Variants in UVSSA observed in about 807,000 individuals in gnomAD.
UVSSA encodes the protein UV-stimulated scaffold protein A.
In UVSSA, 72 loss-of-function variants were observed where a neutral mutation model predicts 73.9. The ratio of observed to expected loss-of-function variants is 0.97; its 90% CI spans 0.81 to 1.19. The LOEUF (loss-of-function observed/expected upper bound fraction) is 1.19. Ranked by LOEUF, UVSSA falls within the 50% of genes most tolerant of loss-of-function variation. The pLI is 0.00. For synonymous variants in UVSSA, 454 were observed against 391.3 expected (o/e 1.16, Z -1.89); for missense variants, 1,150 against 965.0 (o/e 1.19, Z -2.54).
At chr4:1,379,744 G>T (rs116258493) in intron 10 of UVSSA, among the ~76,000 whole-genome samples, 7,595 of 148,788 alleles carry the variant, frequency 0.051, 690 homozygotes, top group African/African-American at 0.18. Context: ...GCCCGTGGTC[G>T]CGCGGCTGGT....
chr4:1,349,827 C>T lies in UVSSA; in HGVS notation c.402C>T (p.Gly134=). ...FGEAYKKLAL[G]YHFLRHNKKV... ...AGGCCTACAAGAAGCTTGCCTTGGG[C>T]TACCACTTCTTAAGACACAACAAAA... Residue 134 remains glycine, a synonymous_variant, in exon 3 of 14, where the codon GGC becomes GGT. Coordinates refer to ENST00000389851, the MANE Select transcript of UVSSA (RefSeq NM_020894.4). The T allele has an allele frequency of 6.4e-7, 1 of 1,573,806 alleles. No homozygotes were observed. Among genetic ancestry groups the T allele is most frequent in the Non-Finnish European group, 8.6e-7 (1 of 1,160,130 alleles).
downstream of UVSSA, chr4:1,389,577 C>G (rs1720354815): frequency 6.6e-6 from 1 of 152,226 alleles, no homozygotes; most frequent in Non-Finnish European, 1.5e-5. Flanking sequence ...TGGGGTCTCA[C>G]TATGTTGGCT....
intron 7 of UVSSA, among the ~76,000 whole-genome samples, chr4:1,363,613 GC>G (rs1215116418): frequency 6.6e-6 from 1 of 152,198 alleles, no homozygotes; most frequent in Non-Finnish European, 1.5e-5. Context: ...GAACCGTAAT[GC>G]CCTGAAACCT....
In UVSSA at chr4:1,366,432, G is replaced by T; in HGVS notation, c.1288+1G>T. 1 of 1,605,476 alleles carries T rather than the reference G, an allele frequency of 6.2e-7. No individual in the cohort carries two copies. Among genetic ancestry groups the T allele is most frequent in the Non-Finnish European group, 8.5e-7 (1 of 1,175,932 alleles). The stretch of plus-strand genomic sequence containing the variant: ...CCCGACCACTTGCGGCCTGAGTATG[G>T]TGAGCAGTGGGTCCCGTGGGGGGGG... On this transcript the variant is annotated splice_donor_variant, in intron 8 of 13. Transcript: ENST00000389851. LOFTEE classifies it high-confidence loss of function.
rs190532731 is a variant in UVSSA, at chr4:1,363,486, A to G, written c.1177-2834A>G. Reference sequence around the variant, plus strand: ...ATAATATTTTTTGAAAACGACGCCCATATTTAAAATCTGGCACTATATGTT... The same window carrying G: ...ATAATATTTTTTGAAAACGACGCCCGTATTTAAAATCTGGCACTATATGTT... On this transcript the variant is annotated intron_variant, in intron 7 of 13. Coordinates refer to ENST00000389851, the MANE Select transcript of UVSSA (RefSeq NM_020894.4). 2.0e-5 allele frequency among the ~76,000 whole-genome samples: 3 copies of G among 152,354 alleles called. No individual in the cohort carries two copies. In the East Asian group the frequency reaches 5.8e-4, roughly 29 times the overall value.
chr4:1,392,307 C>G (rs1368749501), downstream of UVSSA: 2 of 152,184 alleles, frequency 1.3e-5, no homozygotes, highest in African/African-American at 2.4e-5. Flanking sequence ...ATGCAGTTGT[C>G]TTTTAAATCA....
intron 12 of UVSSA, among the ~76,000 whole-genome samples, chr4:1,382,446 T>C (rs1719618032): frequency 6.6e-6 from 1 of 152,182 alleles, no homozygotes; most frequent in Non-Finnish European, 1.5e-5. Flanking sequence ...TCAGTGACAA[T>C]GTGCGTGCTG....
chr4:1,353,027 C>T lies in UVSSA; in HGVS notation c.551-3C>T. 6.2e-7 allele frequency: 1 copy of T among 1,604,452 alleles called. No individual in the cohort carries two copies. The highest frequency in any genetic ancestry group is 8.5e-7 in the Non-Finnish European group (1 of 1,175,058). On this transcript the variant is annotated splice_region_variant and splice_polypyrimidine_tract_variant and intron_variant, in intron 4 of 13. Transcript: ENST00000389851. ...GCAAACAGGTGTCTTGATCTTCCGG[C>T]AGAAATGTCTGGAGAAATTGAATCC... is the stretch of plus-strand genomic sequence containing the variant.
At chr4:1,383,071 C>A (rs1298792196) in intron 12 of UVSSA, among the ~76,000 whole-genome samples, 1 of 152,218 alleles carries the variant, frequency 6.6e-6, no homozygotes, top group South Asian at 2.1e-4. Context: ...GCCATCTGCA[C>A]GGTGGGTACT....
intron 4 of UVSSA, among the ~76,000 whole-genome samples, chr4:1,352,036 G>A (rs538929750): frequency 6.6e-6 from 1 of 152,366 alleles, no homozygotes; most frequent in East Asian, 1.9e-4. Context: ...GCGCCCTCTG[G>A]TGGTCACATT....
chr4:1,348,504 GCTGGACTT>G (rs1441864839), intron 2 of UVSSA, among the ~76,000 whole-genome samples: 27 of 152,364 alleles, frequency 1.8e-4, no homozygotes, highest in Admixed American at 1.8e-3. Flanking sequence ...TTTCTTTGCT[GCTGGACTT>G]TTCGAAGGGA....
At chr4:1,368,437 C>T (rs1463064952) in intron 8 of UVSSA, among the ~76,000 whole-genome samples, 1 of 152,252 alleles carries the variant, frequency 6.6e-6, no homozygotes, top group Non-Finnish European at 1.5e-5. Flanking sequence ...AGAGCGGTCT[C>T]CTTTCATCAG....
At chr4:1,381,725 T>TCACCCAGG (rs1442967281) in intron 12 of UVSSA, among the ~76,000 whole-genome samples, 1 of 151,096 alleles carries the variant, frequency 6.6e-6, no homozygotes, top group African/African-American at 2.4e-5. Context: ...TCTCTCTCTG[T>TCACCCAGG]CACCCAGGCT....
intron 7 of UVSSA, among the ~76,000 whole-genome samples, chr4:1,365,750 C>T (rs969078890): frequency 3.9e-5 from 6 of 152,228 alleles, no homozygotes; most frequent in African/African-American, 9.6e-5. Context: ...CTAGCCCTGG[C>T]CCGTTGCCTA....
intron 12 of UVSSA, among the ~76,000 whole-genome samples, chr4:1,383,317 C>T (rs951289935): frequency 2.6e-5 from 4 of 152,208 alleles, no homozygotes; most frequent in South Asian, 2.1e-4. Context: ...CACCAGCAGG[C>T]GTGTCCAGCA....
chr4:1,343,130 C>T (rs1411005890), upstream of UVSSA, among the ~76,000 whole-genome samples: 1 of 152,066 alleles, frequency 6.6e-6, no homozygotes. Flanking sequence ...CACGGACTAG[C>T]GGGTTTAAAC....
exon 14 of UVSSA, chr4:1,393,997 GA>G: frequency 4.6e-6 from 1 of 215,720 alleles, no homozygotes; most frequent in Non-Finnish European, 9.3e-6. Context: ...GATGCATGGT[GA>G]GTGTGCCTTC....
chr4:1,355,020 C>A, intron 6 of UVSSA, 97 bp from the exon 7 acceptor site: 1 of 1,553,952 alleles, frequency 6.4e-7, no homozygotes, highest in Non-Finnish European at 8.7e-7. Flanking sequence ...TGCCAGGGAC[C>A]CCCCGGGCCA....
chr4:1,385,513 C>T, intron 13 of UVSSA: 1 of 308,048 alleles, frequency 3.2e-6, no homozygotes, highest in South Asian at 3.6e-5. Flanking sequence ...GGCTGCATCT[C>T]CTGCGAGGCC....
Sources: allele counts gnomAD v4.1 joint callset (sites outside exome capture counted in the v4.1 genomes callset), GRCh38; gene constraint gnomAD v4.1.1; transcripts MANE v1.5; gene names NCBI Gene and HGNC (gene_info 2026-07-23, HGNC 2026-07-21).